CACNA1I: variants seen among roughly 807,000 people sequenced by gnomAD.
The protein encoded by CACNA1I is voltage-dependent T-type calcium channel subunit alpha-1I.
A neutral mutation model predicts 201.6 loss-of-function variants in CACNA1I; 74 were observed. That is an observed-to-expected ratio of 0.37 (90% CI 0.30 to 0.45). The LOEUF is 0.45. Among genes scored for constraint, CACNA1I ranks in the 20% least tolerant of loss-of-function variants. CACNA1I has a pLI of 1.00. For missense variants in CACNA1I, 2,346 were observed against 3,138.1 expected, an observed-to-expected ratio of 0.75 and a Z score of 6.03; for synonymous variants, 1,431 against 1,345.2, an observed-to-expected ratio of 1.06 and a Z score of -1.40.
chr22:39,654,433 G>A (rs777612715), intron 10 of CACNA1I, among the ~76,000 whole-genome samples: 3 of 152,134 alleles, frequency 2.0e-5, no homozygotes, highest in Non-Finnish European at 2.9e-5. Flanking sequence ...GGCAGGGTGC[G>A]GGGAGCCTCC....
intron 2 of CACNA1I, among the ~76,000 whole-genome samples, chr22:39,598,709 A>C (rs935909997): frequency 1.3e-4 from 19 of 151,914 alleles, no homozygotes; most frequent in Non-Finnish European, 1.8e-4. Flanking sequence ...GGCCAAGTTC[A>C]CACCCTGCCC....
At chr22:39,572,618 G>A (rs897925364) in intron 1 of CACNA1I, among the ~76,000 whole-genome samples, 1 of 152,124 alleles carries the variant, frequency 6.6e-6, no homozygotes, top group Non-Finnish European at 1.5e-5. Context: ...CAGCGTCTCA[G>A]GCTTGGTGAG....
rs757555063 is a variant in CACNA1I at position 39,571,005 on chromosome 22, C to T, written c.236+17C>T. 2.1e-5 allele frequency: 33 copies of T among 1,600,960 alleles called. No homozygotes were observed. The East Asian group carries it at 2.5e-4, about 12-fold the overall frequency. ...GTGCAACCCATATCCTCCGCAGCCTCGGCTGATCGGGGCCCTGCAGGGGCT... is the reference window on the plus strand; with the variant it reads ...GTGCAACCCATATCCTCCGCAGCCTTGGCTGATCGGGGCCCTGCAGGGGCT... On this transcript the variant is annotated intron_variant, in intron 1 of 36. Transcript: ENST00000402142.
At chr22:39,586,055 G>A (rs1416353372) in intron 1 of CACNA1I, among the ~76,000 whole-genome samples, 2 of 152,038 alleles carry the variant, frequency 1.3e-5, no homozygotes, top group East Asian at 3.9e-4. Flanking sequence ...GCATGTGCCT[G>A]TAATCCCAGC....
chr22:39,622,103 C>T (rs1009376259), intron 4 of CACNA1I, among the ~76,000 whole-genome samples: 2 of 151,752 alleles, frequency 1.3e-5, no homozygotes, highest in African/African-American at 4.8e-5. Context: ...TCCCATGTGC[C>T]CCACCTGACT....
At position 39,641,034 on chromosome 22, in the gene CACNA1I, T is replaced by C; in HGVS notation, c.908T>C (p.Phe303Ser). ...CCLSKDDVYD[F>S]GAGRQDLNAS... ...CTGTCCAAGGACGACGTCTACGACTTTGGGGCGGGGCGCCAGGACCTCAAT... is the reference window on the plus strand; with the variant it reads ...CTGTCCAAGGACGACGTCTACGACTCTGGGGCGGGGCGCCAGGACCTCAAT... Residue 303 changes from phenylalanine to serine, a missense_variant, in exon 6 of 37, where the codon TTT becomes TCT. Coordinates refer to ENST00000402142, the MANE Select transcript of CACNA1I (RefSeq NM_021096.4). 3 of 1,614,040 alleles carry C rather than the reference T, an allele frequency of 1.9e-6. No individual in the cohort carries two copies. Among genetic ancestry groups the C allele is most frequent in the Non-Finnish European group, 2.5e-6 (3 of 1,179,896 alleles).
chr22:39,628,726 G>A (rs1933965548), intron 4 of CACNA1I, among the ~76,000 whole-genome samples: 1 of 152,124 alleles, frequency 6.6e-6, no homozygotes. Context: ...CGCCGGCAAT[G>A]GCAGGAGCAG....
intron 10 of CACNA1I, among the ~76,000 whole-genome samples, chr22:39,653,367 G>A (rs754594382): frequency 6.6e-5 from 10 of 152,320 alleles, no homozygotes; most frequent in Non-Finnish European, 1.5e-4. Context: ...TGGGCTCTGC[G>A]CAGGGCCTGA....
intron 26 of CACNA1I, among the ~76,000 whole-genome samples, chr22:39,671,638 G>T (rs764911663): frequency 3.9e-5 from 6 of 152,142 alleles, no homozygotes; most frequent in African/African-American, 1.4e-4. Context: ...AAGCAGAGCC[G>T]CCAGGTGTGA....
At chr22:39,635,899 C>G (rs931076098) in intron 5 of CACNA1I, among the ~76,000 whole-genome samples, 1 of 152,180 alleles carries the variant, frequency 6.6e-6, no homozygotes, top group East Asian at 1.9e-4. Flanking sequence ...CAGCCCCAAG[C>G]TCGCCATCAC....
Position 39,649,915 on chromosome 22 carries a change from ACCACGAGCAGG to A in CACNA1I, c.1986_1992+4del. 6.2e-7 allele frequency: 1 copy of A among 1,612,852 alleles called. No individual in the cohort carries two copies. Among genetic ancestry groups the A allele is most frequent in the Non-Finnish European group, 8.5e-7 (1 of 1,179,614 alleles). Reference sequence around the variant, plus strand: ...AACACCGTCAGCATGGGCATCGAGCACCACGAGCAGGCCAGTGCAGCGCAGCCGGGCCGGGC... The same window carrying A: ...AACACCGTCAGCATGGGCATCGAGCACCAGTGCAGCGCAGCCGGGCCGGGC... On this transcript the variant is annotated splice_donor_variant and coding_sequence_variant, in exon 10 of 37. Coordinates refer to ENST00000402142, the MANE Select transcript of CACNA1I (RefSeq NM_021096.4). LOFTEE classifies it high-confidence loss of function. This position sits in a 1 kb window ranked among gnomAD's most constrained non-coding sequence, Gnocchi z 7.3.
intron 18 of CACNA1I, among the ~76,000 whole-genome samples, chr22:39,663,415 G>T (rs1233262547): frequency 6.6e-6 from 1 of 152,184 alleles, no homozygotes; most frequent in Non-Finnish European, 1.5e-5. Context: ...GGGAAGGCCT[G>T]GGGCAGAAGC....
At chr22:39,589,139 A>T (rs1347050817) in intron 1 of CACNA1I, among the ~76,000 whole-genome samples, 1 of 152,178 alleles carries the variant, frequency 6.6e-6, no homozygotes, top group Non-Finnish European at 1.5e-5. Context: ...GTCTCCAGAC[A>T]CGGCCAAATG....
chr22:39,589,533 C>T (rs1932797832), intron 1 of CACNA1I, among the ~76,000 whole-genome samples: 1 of 152,260 alleles, frequency 6.6e-6, no homozygotes, highest in Non-Finnish European at 1.5e-5. Flanking sequence ...ACATGCTACA[C>T]CGTCACACAT....
intron 17 of CACNA1I, 85 bp from the exon 18 acceptor site, chr22:39,662,691 C>T (rs1935064643): frequency 9.9e-7 from 1 of 1,008,080 alleles, no homozygotes; most frequent in South Asian, 1.4e-5. Flanking sequence ...GACCCTGCGA[C>T]CCCAGTTGGC....
intron 1 of CACNA1I, among the ~76,000 whole-genome samples, chr22:39,575,270 A>G (rs1397229052): frequency 6.6e-6 from 1 of 152,190 alleles, no homozygotes; most frequent in Non-Finnish European, 1.5e-5. Flanking sequence ...CTGTGTGACC[A>G]TGGGTCAGTT....
intron 3 of CACNA1I, among the ~76,000 whole-genome samples, chr22:39,603,519 C>G (rs548327161): frequency 6.6e-6 from 1 of 151,800 alleles, no homozygotes; most frequent in South Asian, 2.1e-4. Flanking sequence ...TTTATGGATG[C>G]CTGCTCTTGT....
At chr22:39,598,941 GTTTTTTTTTTTT>G (rs3044380) in intron 2 of CACNA1I, among the ~76,000 whole-genome samples, 1 of 68,242 alleles carries the variant, frequency 1.5e-5, no homozygotes, top group Non-Finnish European at 2.5e-5. Flanking sequence ...TGCCTCTTGG[GTTTTTTTTTTTT>G]TTTTTTTTTT....
intron 3 of CACNA1I, among the ~76,000 whole-genome samples, chr22:39,617,178 A>G (rs914073976): frequency 6.6e-6 from 1 of 152,196 alleles, no homozygotes; most frequent in Non-Finnish European, 1.5e-5. Context: ...TTTTCTGTCT[A>G]CCCATCCATC....
Sources: allele counts gnomAD v4.1 joint callset (sites outside exome capture counted in the v4.1 genomes callset), GRCh38; gene constraint gnomAD v4.1.1; non-coding constraint Gnocchi (gnomAD v3.1); transcripts MANE v1.5; gene names NCBI Gene and HGNC (gene_info 2026-07-23, HGNC 2026-07-21).